Variants in UBN2 observed in about 807,000 individuals in gnomAD.
UBN2 encodes the protein ubinuclein-2.
A neutral mutation model predicts 120.2 loss-of-function variants in UBN2; 35 were observed. The ratio of observed to expected loss-of-function variants is 0.29; its 90% CI spans 0.22 to 0.39. The LOEUF (loss-of-function observed/expected upper bound fraction) is 0.39, where lower values mean the gene tolerates loss of function less well. Ranked by LOEUF, UBN2 falls within the 10% of genes least tolerant of loss-of-function variation. The probability of loss-of-function intolerance (pLI) is 1.00; values close to 1 mark genes in which losing one functional copy is unlikely to be tolerated. For missense variants in UBN2, 1,693 were observed against 1,663.2 expected (o/e 1.02, Z -0.31); for synonymous variants, 661 against 648.7 (o/e 1.02, Z -0.29).
rs113931155 is a variant in UBN2, at chr7:139,234,039, A to C, written c.468+2087A>C. 6.1e-3 allele frequency among the ~76,000 whole-genome samples: 931 copies of C among 152,276 alleles called. 6 individuals are homozygous for C. Among genetic ancestry groups the C allele is most frequent in the African/African-American group, 0.021 (854 of 41,562 alleles). ...GCCACATTTTCCTGTGATTGCTGCC[A>C]GTGTATATCCTTATTATGCAAGAAA... On this transcript the variant is annotated intron_variant, in intron 1 of 17. Coordinates refer to ENST00000473989, the MANE Select transcript of UBN2 (RefSeq NM_173569.4).
chr7:139,311,156 A>C (rs962468792), downstream of UBN2, among the ~76,000 whole-genome samples: 1 of 152,194 alleles, frequency 6.6e-6, no homozygotes, highest in Non-Finnish European at 1.5e-5. Context: ...CGGGCAGAAG[A>C]GATGCCTTTG....
chr7:139,315,539 G>A, the UBN2 span: 1 of 152,074 alleles, frequency 6.6e-6, no homozygotes. Context: ...CCATTCATCG[G>A]GTGATAGACA....
At chr7:139,248,544 G>A (rs1244339691) in intron 2 of UBN2, among the ~76,000 whole-genome samples, 2 of 152,106 alleles carry the variant, frequency 1.3e-5, no homozygotes, top group African/African-American at 4.8e-5. Context: ...CCATTGAGTT[G>A]TAATGCTGCC....
rs1488910390 is a variant in UBN2 at position 139,231,660 on chromosome 7, C to T, written c.176C>T (p.Pro59Leu). ...CCGCCGGCCCCGCGGGAGCCTGCCC[C>T]CCGCTCGGACGCGCAGCCCCCGTCG... Reference protein sequence around the residue: ...AEPPAPREPAPRSDAQPPSRE... With the variant: ...AEPPAPREPALRSDAQPPSRE... The change falls in exon 1 of 18, where the codon CCC (proline) becomes CTC (leucine). Residue 59 changes from proline (P) to leucine (L), a missense_variant. Around this residue, in one of 5 missense-constraint regions of UBN2, gnomAD observed 663 missense variants for 591.2 expected, o/e 1.12. Transcript: ENST00000473989. 2.5e-6 allele frequency: 3 copies of T among 1,198,238 alleles called. No individual in the cohort carries two copies. The highest frequency in any genetic ancestry group is 4.0e-5 in the South Asian group (1 of 24,840). 74.2% of individuals were successfully genotyped at this position (1,198,238 alleles called of 1,614,324 possible).
the UBN2 span, among the ~76,000 whole-genome samples, chr7:139,320,713 C>A: frequency 2.0e-5 from 3 of 151,590 alleles, no homozygotes; most frequent in African/African-American, 7.3e-5. Flanking sequence ...AAAAATTAGC[C>A]AGACATGGTA....
chr7:139,232,593 G>C (rs1021552318), intron 1 of UBN2, among the ~76,000 whole-genome samples: 1 of 152,158 alleles, frequency 6.6e-6, no homozygotes, highest in Admixed American at 6.5e-5. Flanking sequence ...TTTCTCTCGT[G>C]TTGGTATTGG....
intron 1 of UBN2, among the ~76,000 whole-genome samples, chr7:139,232,538 C>T (rs1195252291): frequency 6.6e-6 from 1 of 152,188 alleles, no homozygotes; most frequent in Non-Finnish European, 1.5e-5. Flanking sequence ...CTAAGGATCC[C>T]ACTTTAGGAA....
chr7:139,281,714 T>C (rs1797617566), intron 13 of UBN2, among the ~76,000 whole-genome samples: 2 of 152,244 alleles, frequency 1.3e-5, no homozygotes, highest in Non-Finnish European at 2.9e-5. Flanking sequence ...ACAGCAGTTT[T>C]ATACTAGTAA....
chr7:139,252,571 A>G (rs993391764), intron 3 of UBN2, among the ~76,000 whole-genome samples: 1 of 152,102 alleles, frequency 6.6e-6, no homozygotes, highest in Non-Finnish European at 1.5e-5. Context: ...CTAGCTTGCA[A>G]GCTGTTTGAA....
the UBN2 span, among the ~76,000 whole-genome samples, chr7:139,321,395 T>C: frequency 6.6e-6 from 1 of 152,216 alleles, no homozygotes; most frequent in Admixed American, 6.5e-5. Flanking sequence ...TCGGAAAGTG[T>C]GACATGTCTT....
chr7:139,306,843 A>G lies in UBN2; in HGVS notation c.*9007A>G, dbSNP rs1178603587. 2 of 152,234 alleles carry G rather than the reference A, an allele frequency of 1.3e-5. No homozygotes were observed. The highest frequency in any genetic ancestry group is 2.9e-5 in the Non-Finnish European group (2 of 68,036). 9.4% of individuals were successfully genotyped at this position (152,234 alleles called of 1,614,324 possible). ...GTGCCCCAAATAATATATTAATCCA[A>G]GTCTACCAAGGTAACTAAGTAATGG... On this transcript the variant is annotated 3_prime_UTR_variant, in exon 18 of 18. Coordinates refer to ENST00000473989, the MANE Select transcript of UBN2 (RefSeq NM_173569.4).
At chr7:139,248,324 G>T (rs1438775269) in intron 2 of UBN2, among the ~76,000 whole-genome samples, 1 of 152,144 alleles carries the variant, frequency 6.6e-6, no homozygotes, top group Non-Finnish European at 1.5e-5. Flanking sequence ...TAAGAGTATT[G>T]CAAAGTCTCA....
rs945661146 is a variant in UBN2, at chr7:139,303,873, T to G, written c.*6037T>G. 6.6e-6 allele frequency: 1 copy of G among 152,170 alleles called. No homozygotes were observed. The highest frequency in any genetic ancestry group is 2.4e-5 in the African/African-American group (1 of 41,432). 9.4% of individuals were successfully genotyped at this position (152,170 alleles called of 1,614,324 possible). ...ACAAGGGAGAGAAATAACACTAAGT[T>G]TAAGTAGTTTTTTTTAGCCTTTTAC... On this transcript the variant is annotated 3_prime_UTR_variant, in exon 18 of 18. Coordinates refer to ENST00000473989, the MANE Select transcript of UBN2 (RefSeq NM_173569.4).
chr7:139,237,114 G>T lies in UBN2; in HGVS notation c.561+17G>T. 1.3e-6 allele frequency: 2 copies of T among 1,561,320 alleles called. No homozygotes were observed. The highest frequency in any genetic ancestry group is 2.3e-5 in the South Asian group (2 of 88,642). ...ATGAAATATGTGAGTATAATAAACTGATCACTTAGGTAATTTTATCCTATT... is the reference window on the plus strand; with the variant it reads ...ATGAAATATGTGAGTATAATAAACTTATCACTTAGGTAATTTTATCCTATT... On this transcript the variant is annotated intron_variant, in intron 2 of 17. Transcript: ENST00000473989.
At position 139,261,720 on chromosome 7, in the gene UBN2, A is replaced by G. The variant is rs759319344; in HGVS notation, c.1374A>G (p.Lys458=). 15 of 1,611,706 alleles carry G rather than the reference A, an allele frequency of 9.3e-6. No individual in the cohort carries two copies. In the South Asian group the frequency reaches 1.3e-4, roughly 14 times the overall value. The stretch of plus-strand genomic sequence containing the variant: ...AGGGTCTACCTGTACTTCTTGAAAA[A>G]CGTATCGAAGACCTTCGTGTAGTAA... ...LPEGLPVLLE[K]RIEDLRVAAK... Residue 458 remains lysine, a synonymous_variant, in exon 6 of 18, where the codon AAA becomes AAG. Transcript: ENST00000473989.
chr7:139,277,295 C>G (rs1205558073), intron 12 of UBN2: 1 of 152,136 alleles, frequency 6.6e-6, no homozygotes, highest in Non-Finnish European at 1.5e-5. Flanking sequence ...GGATTTCACC[C>G]CCTCATCCCA....
In UBN2 at chr7:139,283,675, A is replaced by C; in HGVS notation, c.2770A>C (p.Thr924Pro). The C allele has an allele frequency of 1.2e-6, 2 of 1,614,118 alleles. No individual in the cohort carries two copies. Among genetic ancestry groups the C allele is most frequent in the Non-Finnish European group, 1.7e-6 (2 of 1,180,030 alleles). ...TSEAQDASSL[T>P]QVTKVHQHSA... ...CGAGGCCCAAGATGCTTCTTCGTTA[A>C]CACAAGTAACAAAGGTGCACCAGCA... Residue 924 changes from threonine to proline, a missense_variant, in exon 15 of 18, where the codon ACA (threonine) becomes CCA (proline). Physicochemically the swap from Thr to Pro is conservative, Grantham distance 38. Coordinates refer to ENST00000473989, the MANE Select transcript of UBN2 (RefSeq NM_173569.4).
At chr7:139,322,302 A>G in the UBN2 span, among the ~76,000 whole-genome samples, 1 of 152,196 alleles carries the variant, frequency 6.6e-6, no homozygotes, top group Non-Finnish European at 1.5e-5. Flanking sequence ...AAATAAACAA[A>G]CAAACAAAAA....
chr7:139,280,985 C>T (rs1797591364), intron 13 of UBN2, among the ~76,000 whole-genome samples: 1 of 152,116 alleles, frequency 6.6e-6, no homozygotes, highest in African/African-American at 2.4e-5. Flanking sequence ...GTCTTCTGAT[C>T]CAAATAATAT....
Sources: allele counts gnomAD v4.1 joint callset (sites outside exome capture counted in the v4.1 genomes callset), GRCh38; gene constraint gnomAD v4.1.1; regional missense constraint gnomAD v4.1.1; transcripts MANE v1.5; gene names NCBI Gene and HGNC (gene_info 2026-07-23, HGNC 2026-07-21).